The following MIR2052HG variants were observed in gnomAD, a reference collection of about 807,000 sequenced individuals.
MIR2052HG encodes MIR2052 host gene.
In MIR2052HG at chr8:74,604,299, A is replaced by AT. The variant is rs1486965326; in HGVS notation, n.128+4392dup. 8.4e-6 allele frequency: 5 copies of AT among 597,766 alleles called. No homozygotes were observed. In the African/African-American group the frequency reaches 9.7e-5, roughly 12 times the overall value. The allele number at this position is 597,766 out of a possible 1,614,324, so 37.0% of individuals were successfully genotyped here. ...TGAGTGGTCAAGTCTTTGGTCACTG[A>AT]TGGGGGGTGAAAGCCAAAAACTGCT... On this transcript the variant is annotated intron_variant and non_coding_transcript_variant, in intron 1 of 6. Coordinates refer to ENST00000523442, the Ensembl canonical transcript of MIR2052HG.
At chr8:74,733,422 T>TA (rs1809715790) in intron 4 of MIR2052HG, among the ~76,000 whole-genome samples, 1 of 152,168 alleles carries the variant, frequency 6.6e-6, no homozygotes, top group African/African-American at 2.4e-5. Flanking sequence ...CATCATTTTT[T>TA]ATGGCTGCAT....
intron 2 of MIR2052HG, among the ~76,000 whole-genome samples, chr8:74,624,715 T>A (rs1808411494): frequency 6.6e-6 from 1 of 152,240 alleles, no homozygotes; most frequent in African/African-American, 2.4e-5. Context: ...TTTTCAGGCC[T>A]CCTGGCACTT....
Position 74,691,580 on chromosome 8 carries a change from A to C in MIR2052HG, n.217-10799A>C, listed in dbSNP as rs77498079. The stretch of plus-strand genomic sequence containing the variant: ...GAGCTGGGAGCTGCGAACAATGTTT[A>C]AACTTAGATGAGCCCAATATGGTAG... On this transcript the variant is annotated intron_variant and non_coding_transcript_variant, in intron 2 of 6. Coordinates refer to ENST00000523442, the Ensembl canonical transcript of MIR2052HG. 5.1e-3 allele frequency among the ~76,000 whole-genome samples: 784 copies of C among 152,306 alleles called. 7 individuals are homozygous for C. Among genetic ancestry groups the C allele is most frequent in the African/African-American group, 0.018 (742 of 41,566 alleles).
At chr8:74,615,830 C>T (rs1210205358) in intron 2 of MIR2052HG, among the ~76,000 whole-genome samples, 4 of 151,948 alleles carry the variant, frequency 2.6e-5, no homozygotes, top group East Asian at 1.9e-4. Flanking sequence ...TATCATTGTT[C>T]GATTCTCACC....
intron 4 of MIR2052HG, among the ~76,000 whole-genome samples, chr8:74,704,880 T>A (rs1235095863): frequency 6.6e-6 from 1 of 152,084 alleles, no homozygotes; most frequent in Non-Finnish European, 1.5e-5. Flanking sequence ...CTATCCTCTT[T>A]CAATGGTTAG....
chr8:74,674,555 T>C (rs533369400), intron 2 of MIR2052HG, among the ~76,000 whole-genome samples: 3 of 152,094 alleles, frequency 2.0e-5, no homozygotes, highest in Non-Finnish European at 2.9e-5. Context: ...TACCAAAAAA[T>C]AAAGAATCAT....
In MIR2052HG at chr8:74,702,128, C is replaced by A. The variant is rs367952707; in HGVS notation, n.217-251C>A. 2.9e-4 allele frequency among the ~76,000 whole-genome samples: 44 copies of A among 152,162 alleles called. No homozygotes were observed. In the Middle Eastern group the frequency reaches 0.014, roughly 47 times the overall value. ...TGACTCAAGGTATAAAACTTAGGAA[C>A]TTTCCATCATTACACTAAAATAATT... is the stretch of plus-strand genomic sequence containing the variant. On this transcript the variant is annotated intron_variant and non_coding_transcript_variant, in intron 2 of 6. Transcript: ENST00000523442.
chr8:74,632,075 G>A (rs1305507582), intron 2 of MIR2052HG, among the ~76,000 whole-genome samples: 1 of 152,160 alleles, frequency 6.6e-6, no homozygotes, highest in Non-Finnish European at 1.5e-5. Flanking sequence ...AGCATACTCA[G>A]CAAGAGAAGC....
chr8:74,655,548 C>T (rs1377663543), intron 2 of MIR2052HG, among the ~76,000 whole-genome samples: 1 of 152,198 alleles, frequency 6.6e-6, no homozygotes, highest in Admixed American at 6.5e-5. Flanking sequence ...TTGGCAGCTT[C>T]CACATGGTGT....
At chr8:74,672,688 A>G (rs1480866390) in intron 2 of MIR2052HG, among the ~76,000 whole-genome samples, 1 of 152,098 alleles carries the variant, frequency 6.6e-6, no homozygotes, top group African/African-American at 2.4e-5. Flanking sequence ...TCACTTTCCT[A>G]TCACAGAAGG....
At chr8:74,617,404 G>A (rs768329626) in intron 2 of MIR2052HG, among the ~76,000 whole-genome samples, 3 of 151,878 alleles carry the variant, frequency 2.0e-5, no homozygotes, top group Admixed American at 6.6e-5. Flanking sequence ...CATCCATGCT[G>A]CTACAAAAGA....
chr8:74,715,030 C>T (rs1043754755), intron 4 of MIR2052HG, among the ~76,000 whole-genome samples: 1 of 151,936 alleles, frequency 6.6e-6, no homozygotes, highest in African/African-American at 2.4e-5. Context: ...CACATCTTTG[C>T]CAGGCATAAA....
chr8:74,680,906 C>T (rs1586912319), intron 2 of MIR2052HG, among the ~76,000 whole-genome samples: 1 of 151,556 alleles, frequency 6.6e-6, no homozygotes, highest in Admixed American at 6.6e-5. Flanking sequence ...AGTTCATGTC[C>T]TTTGTAGGGA....
intron 4 of MIR2052HG, among the ~76,000 whole-genome samples, chr8:74,718,422 C>T (rs1470816405): frequency 2.6e-5 from 4 of 152,044 alleles, no homozygotes; most frequent in African/African-American, 9.7e-5. Context: ...AATCTATAGG[C>T]AGTTTTCCTC....
chr8:74,721,531 T>G (rs2128754112), intron 4 of MIR2052HG, among the ~76,000 whole-genome samples: 1 of 152,316 alleles, frequency 6.6e-6, no homozygotes, highest in South Asian at 2.1e-4. Context: ...GTTTTGGTGC[T>G]TTTAGCTTGG....
intron 5 of MIR2052HG, chr8:74,757,658 A>G (rs1434070476): frequency 6.6e-6 from 1 of 152,252 alleles, no homozygotes; most frequent in African/African-American, 2.4e-5. Flanking sequence ...CAAAATTTTA[A>G]CCCAAATCTA....
At chr8:74,678,331 G>A (rs988174039) in intron 2 of MIR2052HG, among the ~76,000 whole-genome samples, 7 of 152,084 alleles carry the variant, frequency 4.6e-5, no homozygotes, top group Non-Finnish European at 8.8e-5. Context: ...GGCCAAGGCC[G>A]GCAGATCGCC....
intron 1 of MIR2052HG, among the ~76,000 whole-genome samples, chr8:74,601,633 A>G (rs1808002274): frequency 6.6e-6 from 1 of 152,238 alleles, no homozygotes; most frequent in Admixed American, 6.5e-5. Context: ...ATATGTGTAC[A>G]AAACCTTTCT....
intron 2 of MIR2052HG, among the ~76,000 whole-genome samples, chr8:74,662,385 T>C (rs1223276948): frequency 7.0e-6 from 1 of 142,700 alleles, no homozygotes; most frequent in African/African-American, 2.6e-5. Context: ...AGGATTCTAA[T>C]GAGAACACAT....
Sources: gnomAD v4.1 joint callset for allele counts (sites outside exome capture counted in the v4.1 genomes callset) on GRCh38, gnomAD v4.1.1 for gene constraint, MANE v1.5 for transcripts, NCBI Gene and HGNC (gene_info 2026-07-23, HGNC 2026-07-21) for gene names.